The following CNTNAP5 variants were observed in gnomAD, a reference collection of about 807,000 sequenced individuals.
The protein encoded by CNTNAP5 is contactin-associated protein-like 5.
A neutral mutation model predicts 150.2 loss-of-function variants in CNTNAP5; 72 were observed. The observed-to-expected ratio is 0.48, with a 90% confidence interval of 0.40 to 0.58. The LOEUF (loss-of-function observed/expected upper bound fraction) is 0.58. Ranked by LOEUF, CNTNAP5 falls within the 20% of genes least tolerant of loss-of-function variation. The pLI is 0.00. For missense variants in CNTNAP5, 1,636 were observed against 1,626.2 expected, an observed-to-expected ratio of 1.01 and a Z score of -0.10; for synonymous variants, 672 against 619.8, an observed-to-expected ratio of 1.08 and a Z score of -1.25.
intron 1 of CNTNAP5, among the ~76,000 whole-genome samples, chr2:124,073,158 G>A (rs1462498735): frequency 6.6e-6 from 1 of 152,038 alleles, no homozygotes; most frequent in Non-Finnish European, 1.5e-5. Flanking sequence ...ACATCCACAT[G>A]CAGAAAAGTG....
intron 12 of CNTNAP5, among the ~76,000 whole-genome samples, chr2:124,617,618 A>T (rs569649440): frequency 1.3e-5 from 2 of 152,224 alleles, no homozygotes; most frequent in East Asian, 3.9e-4. Flanking sequence ...CTTCATCTTA[A>T]CTTGTTTACG....
intron 13 of CNTNAP5, among the ~76,000 whole-genome samples, chr2:124,739,006 G>T (rs1389528200): frequency 2.6e-5 from 4 of 152,138 alleles, no homozygotes; most frequent in Admixed American, 2.0e-4. Flanking sequence ...TAATCACGTT[G>T]TCCATCTCTT....
At chr2:124,656,346 C>T (rs1485961777) in intron 13 of CNTNAP5, among the ~76,000 whole-genome samples, 4 of 152,052 alleles carry the variant, frequency 2.6e-5, no homozygotes, top group Non-Finnish European at 5.9e-5. Context: ...CATTTTTTCC[C>T]GTGAGGGACT....
At chr2:124,192,488 C>T (rs76280671) in intron 1 of CNTNAP5, among the ~76,000 whole-genome samples, 2,648 of 152,242 alleles carry the variant, frequency 0.017, 98 homozygotes, top group African/African-American at 0.061. Flanking sequence ...TCTATTCCCC[C>T]CAAACCATGC....
intron 1 of CNTNAP5, among the ~76,000 whole-genome samples, chr2:124,124,487 C>T (rs898418919): frequency 6.6e-6 from 1 of 152,220 alleles, no homozygotes; most frequent in Non-Finnish European, 1.5e-5. Context: ...GGAAAACACT[C>T]TGCAGCATAT....
chr2:124,195,243 C>T (rs1441505911), intron 1 of CNTNAP5, among the ~76,000 whole-genome samples: 1 of 152,128 alleles, frequency 6.6e-6, no homozygotes, highest in African/African-American at 2.4e-5. Context: ...GGAGAGCAGA[C>T]GTGACCCCAC....
chr2:124,026,693 C>G (rs1363279697), intron 1 of CNTNAP5, among the ~76,000 whole-genome samples: 1 of 152,242 alleles, frequency 6.6e-6, no homozygotes, highest in Non-Finnish European at 1.5e-5. Flanking sequence ...CAAGGTCCCT[C>G]AAGTTTCTGG....
In CNTNAP5 at chr2:124,700,988, A is replaced by AT. The variant is rs577696364; in HGVS notation, c.2078-46233dup. ...TATCTATCATCTCACATAGTTACGC[A>AT]TTTTTTTTGTTTGTTTTTGTGGCAA... On this transcript the variant is annotated intron_variant, in intron 13 of 23. Coordinates refer to ENST00000682447, the MANE Select transcript of CNTNAP5 (RefSeq NM_001367498.1). 4.1e-4 allele frequency among the ~76,000 whole-genome samples: 63 copies of AT among 151,824 alleles called. 2 individuals carry two copies. Among genetic ancestry groups the AT allele is most frequent in the Middle Eastern group, 3.4e-3 (1 of 292 alleles).
chr2:124,468,528 C>G (rs925456195), intron 6 of CNTNAP5, among the ~76,000 whole-genome samples: 2 of 152,104 alleles, frequency 1.3e-5, no homozygotes, highest in Non-Finnish European at 2.9e-5. Context: ...CCCACCCACA[C>G]TGTGGGTGGA....
chr2:124,578,383 T>G (rs1339598775), intron 11 of CNTNAP5, among the ~76,000 whole-genome samples: 1 of 151,636 alleles, frequency 6.6e-6, no homozygotes, highest in Non-Finnish European at 1.5e-5. Flanking sequence ...TGCCCTTGCT[T>G]TCTACATTGC....
rs752934546 is a variant in CNTNAP5, at chr2:124,900,422, A to C, written c.3437-2460A>C. ...CATGATCTCGAGCATCATGCAGAGC[A>C]TATTTTCTCCTATCAGGGATTCTTG... is the stretch of plus-strand genomic sequence containing the variant. On this transcript the variant is annotated intron_variant, in intron 21 of 23. Transcript: ENST00000682447. 9.9e-5 allele frequency among the ~76,000 whole-genome samples: 15 copies of C among 151,520 alleles called. 1 individual carries two copies. The highest frequency in any genetic ancestry group is 3.7e-4 in the African/African-American group (15 of 40,940).
rs189036322 is a variant in CNTNAP5, at chr2:124,286,317, A to G, written c.381+43924A>G. Among the ~76,000 whole-genome samples, 292 of 152,294 alleles carry G rather than the reference A, an allele frequency of 1.9e-3. 3 individuals carry two copies. The highest frequency in any genetic ancestry group is 6.6e-3 in the African/African-American group (274 of 41,558). ...CGACGGCCTACTTCTTCTGCCCAGC[A>G]TGAACTGCCCCTTGGAAGCAGGCAT... On this transcript the variant is annotated intron_variant, in intron 3 of 23. Coordinates refer to ENST00000682447, the MANE Select transcript of CNTNAP5 (RefSeq NM_001367498.1).
intron 10 of CNTNAP5, among the ~76,000 whole-genome samples, chr2:124,536,475 G>T (rs1573443755): frequency 6.6e-6 from 1 of 151,954 alleles, no homozygotes; most frequent in African/African-American, 2.4e-5. Flanking sequence ...AGGTGACTAG[G>T]ATGCACACTC....
intron 10 of CNTNAP5, among the ~76,000 whole-genome samples, chr2:124,549,606 A>G (rs562615230): frequency 7.0e-4 from 106 of 152,294 alleles, no homozygotes; most frequent in African/African-American, 2.3e-3. Flanking sequence ...TATTAAGAAA[A>G]TCTTGATTCA....
intron 21 of CNTNAP5, among the ~76,000 whole-genome samples, chr2:124,899,615 TTAG>T (rs1339823710): frequency 2.0e-5 from 3 of 151,480 alleles, no homozygotes; most frequent in Non-Finnish European, 4.4e-5. Flanking sequence ...GATTTTTATG[TTAG>T]TAGAAAATCT....
intron 1 of CNTNAP5, among the ~76,000 whole-genome samples, chr2:124,111,735 G>A (rs1683304078): frequency 6.6e-6 from 1 of 152,196 alleles, no homozygotes; most frequent in East Asian, 1.9e-4. Context: ...ACATCCCCTT[G>A]TCTTCTTTCC....
At chr2:124,556,540 C>T (rs1414771515) in intron 10 of CNTNAP5, among the ~76,000 whole-genome samples, 1 of 152,102 alleles carries the variant, frequency 6.6e-6, no homozygotes, top group Non-Finnish European at 1.5e-5. Flanking sequence ...TCCCCTTGCT[C>T]TTGTGTTGGG....
intron 1 of CNTNAP5, among the ~76,000 whole-genome samples, chr2:124,136,489 T>C (rs1047694733): frequency 3.9e-5 from 6 of 152,210 alleles, no homozygotes; most frequent in African/African-American, 1.4e-4. Flanking sequence ...TTGACACTTA[T>C]TATACATTAG....
intron 3 of CNTNAP5, among the ~76,000 whole-genome samples, chr2:124,320,699 T>C (rs1689078041): frequency 6.6e-6 from 1 of 152,228 alleles, no homozygotes; most frequent in Non-Finnish European, 1.5e-5. Context: ...ACTTTCCTCA[T>C]AATTAAATTG....
Sources: allele counts gnomAD v4.1 joint callset (sites outside exome capture counted in the v4.1 genomes callset), GRCh38; gene constraint gnomAD v4.1.1; transcripts MANE v1.5; gene names NCBI Gene and HGNC (gene_info 2026-07-23, HGNC 2026-07-21).